SCEL: variants seen among roughly 807,000 people sequenced by gnomAD.
SCEL encodes the protein sciellin.
A neutral mutation model predicts 117.6 loss-of-function variants in SCEL; 113 were observed. That is an observed-to-expected ratio of 0.96 (90% CI 0.83 to 1.12). The LOEUF is 1.12. Ranked by LOEUF, SCEL falls within the 50% of genes most tolerant of loss-of-function variation. The probability of loss-of-function intolerance (pLI) is 0.00; values close to 1 mark genes in which losing one functional copy is unlikely to be tolerated. For missense variants in SCEL, 785 were observed against 810.8 expected, an observed-to-expected ratio of 0.97 and a Z score of 0.39; for synonymous variants, 270 against 256.2, an observed-to-expected ratio of 1.05 and a Z score of -0.51.
At chr13:77,545,727 G>A (rs2083952134) in intron 1 of SCEL, among the ~76,000 whole-genome samples, 2 of 152,204 alleles carry the variant, frequency 1.3e-5, no homozygotes, top group African/African-American at 4.8e-5. Flanking sequence ...TGGACAATGG[G>A]TCCTAAGAGA....
At chr13:77,630,137 G>A (rs544667758) in intron 28 of SCEL, among the ~76,000 whole-genome samples, 25 of 152,258 alleles carry the variant, frequency 1.6e-4, no homozygotes, top group African/African-American at 5.5e-4. Context: ...CTATCCTTGG[G>A]GGAGAATGAG....
intron 1 of SCEL, among the ~76,000 whole-genome samples, chr13:77,548,269 C>T (rs189342194): frequency 1.3e-5 from 2 of 152,378 alleles, no homozygotes; most frequent in East Asian, 1.9e-4. Context: ...AGTGACGAAG[C>T]TGGGGACACA....
chr13:77,644,150 G>A (rs2090689938), intron 32 of SCEL, 108 bp from the exon 33 acceptor site: 3 of 1,209,714 alleles, frequency 2.5e-6, no homozygotes, highest in Non-Finnish European at 3.6e-6. Flanking sequence ...AAGGAAAAGT[G>A]GAATCCTTAA....
intron 19 of SCEL, among the ~76,000 whole-genome samples, chr13:77,607,202 C>A (rs1440141416): frequency 6.6e-6 from 1 of 151,866 alleles, no homozygotes; most frequent in African/African-American, 2.4e-5. Context: ...GTGTGCACCA[C>A]CATTCCAGGC....
chr13:77,608,427 G>A lies in SCEL; in HGVS notation c.1217+312G>A, dbSNP rs902892748. ...CCAGCCTGTCCAACATAGTGAAACC[G>A]TGTCTCTATAAAAAATACAAAAATT... On this transcript the variant is annotated intron_variant, in intron 20 of 32. Transcript: ENST00000349847. 5.3e-5 allele frequency among the ~76,000 whole-genome samples: 8 copies of A among 152,042 alleles called. 1 individual carries two copies. Among genetic ancestry groups the A allele is most frequent in the Admixed American group, 3.3e-4 (5 of 15,264 alleles).
In SCEL at chr13:77,589,239, T is replaced by C; in HGVS notation, c.626+15T>C. 4 of 1,567,230 alleles carry C rather than the reference T, an allele frequency of 2.6e-6. No homozygotes were observed. In the East Asian group the frequency reaches 9.0e-5, roughly 35 times the overall value. ...CAGGATAATAGGTAAGACCTAGTAC[T>C]CCAGAATTTCTTGACAAAATGAAGT... On this transcript the variant is annotated intron_variant, in intron 10 of 32. Transcript: ENST00000349847.
rs556418420 is a variant in SCEL at position 77,568,291 on chromosome 13, C to T, written c.360-4C>T. The T allele has an allele frequency of 1.3e-6, 2 of 1,555,992 alleles. No homozygotes were observed. The highest frequency in any genetic ancestry group is 1.1e-5 in the South Asian group (1 of 87,668). ...CAAACTTTGCTTTCTTTCTCTCTTA[C>T]CAGGAGCATGTCCATGTTTAGATCA... On this transcript the variant is annotated splice_polypyrimidine_tract_variant and splice_region_variant and intron_variant, in intron 6 of 32. Transcript: ENST00000349847.
chr13:77,574,099 T>A (rs1261481653), intron 9 of SCEL, among the ~76,000 whole-genome samples: 1 of 152,248 alleles, frequency 6.6e-6, no homozygotes, highest in Admixed American at 6.5e-5. Context: ...CATATTTTTG[T>A]CCTCAACTCA....
intron 9 of SCEL, among the ~76,000 whole-genome samples, chr13:77,577,095 G>A (rs749462061): frequency 6.6e-6 from 1 of 152,116 alleles, no homozygotes; most frequent in East Asian, 1.9e-4. Flanking sequence ...AAAACAATTT[G>A]ACTTCCTCTC....
chr13:77,622,419 T>G (rs1027248336), intron 27 of SCEL, among the ~76,000 whole-genome samples: 2 of 152,184 alleles, frequency 1.3e-5, no homozygotes, highest in Non-Finnish European at 2.9e-5. Context: ...TTTTTTTCCT[T>G]CACCTGCTTT....
intron 9 of SCEL, among the ~76,000 whole-genome samples, chr13:77,584,151 A>G (rs1348150539): frequency 6.6e-6 from 1 of 152,166 alleles, no homozygotes; most frequent in African/African-American, 2.4e-5. Flanking sequence ...GATCATTCCA[A>G]TGAATGTCTC....
rs1461512617 is a variant in SCEL, at chr13:77,552,304, C to A, written c.-19-3553C>A. ...CACAATGGTTGAACTAGTTTACAGT[C>A]CCACCAACAGTGTAAAAGTGTTCCT... On this transcript the variant is annotated intron_variant, in intron 1 of 32. Coordinates refer to ENST00000349847, the MANE Select transcript of SCEL (RefSeq NM_144777.3). Among the ~76,000 whole-genome samples, 520 of 150,876 alleles carry A rather than the reference C, an allele frequency of 3.4e-3. 5 individuals are homozygous for A. The highest frequency in any genetic ancestry group is 5.7e-3 in the Non-Finnish European group (383 of 67,512).
At chr13:77,538,185 C>T (rs1177552585) in intron 1 of SCEL, among the ~76,000 whole-genome samples, 2 of 149,172 alleles carry the variant, frequency 1.3e-5, no homozygotes, top group African/African-American at 2.5e-5. Flanking sequence ...GGCACAATCT[C>T]GGGTTACTGC....
chr13:77,603,617 G>A (rs944333684), intron 18 of SCEL, among the ~76,000 whole-genome samples: 1 of 152,172 alleles, frequency 6.6e-6, no homozygotes, highest in African/African-American at 2.4e-5. Flanking sequence ...TGACATGGCA[G>A]TGGCACCCAA....
chr13:77,537,971 C>T (rs1418286406), intron 1 of SCEL, among the ~76,000 whole-genome samples: 1 of 152,162 alleles, frequency 6.6e-6, no homozygotes, highest in African/African-American at 2.4e-5. Flanking sequence ...CATATGGCTT[C>T]GCTTTCTGTC....
chr13:77,578,432 A>G (rs897328134), intron 9 of SCEL, among the ~76,000 whole-genome samples: 1 of 152,148 alleles, frequency 6.6e-6, no homozygotes, highest in Non-Finnish European at 1.5e-5. Context: ...CCCAGAGCAG[A>G]GAACTCTGAA....
chr13:77,613,359 T>G (rs1486445170), intron 23 of SCEL, among the ~76,000 whole-genome samples: 1 of 152,192 alleles, frequency 6.6e-6, no homozygotes, highest in Non-Finnish European at 1.5e-5. Context: ...TATACTTGAT[T>G]AGAATATTTT....
At chr13:77,636,638 T>A (rs1158608816) in intron 29 of SCEL, among the ~76,000 whole-genome samples, 1 of 152,240 alleles carries the variant, frequency 6.6e-6, no homozygotes, top group Non-Finnish European at 1.5e-5. Flanking sequence ...CATACTTCTT[T>A]GCTTTCATTC....
intron 1 of SCEL, among the ~76,000 whole-genome samples, chr13:77,548,344 C>T (rs989013656): frequency 6.6e-6 from 1 of 152,220 alleles, no homozygotes; most frequent in Non-Finnish European, 1.5e-5. Flanking sequence ...ACTGCTAACA[C>T]ATTAAGATGT....
Sources: gnomAD v4.1 joint callset for allele counts (sites outside exome capture counted in the v4.1 genomes callset) on GRCh38, gnomAD v4.1.1 for gene constraint, MANE v1.5 for transcripts, NCBI Gene and HGNC (gene_info 2026-07-23, HGNC 2026-07-21) for gene names.